Variants in ANGPT2 observed in about 807,000 individuals in gnomAD.
The protein encoded by ANGPT2 is angiopoietin 2.
ANGPT2 carries 28 observed loss-of-function variants against 62.9 expected under a neutral mutation model. The ratio of observed to expected loss-of-function variants is 0.44; its 90% confidence interval spans 0.33 to 0.61. The LOEUF is 0.61. ANGPT2 is among the 20% of genes least tolerant of loss of function. The pLI is 0.03. For missense variants in ANGPT2, 727 were observed against 594.9 expected (o/e 1.22, Z -2.31); for synonymous variants, 284 against 207.8 (o/e 1.37, Z -3.15).
chr8:6,533,400 C>G (rs953711431), intron 1 of ANGPT2, among the ~76,000 whole-genome samples: 3 of 152,172 alleles, frequency 2.0e-5, no homozygotes, highest in Non-Finnish European at 4.4e-5. Flanking sequence ...AGCCTGCCCT[C>G]TGCTTTATAG....
At chr8:6,562,474 G>C (rs1825680781) in intron 1 of ANGPT2, among the ~76,000 whole-genome samples, 173 bp downstream of exon 1, 1 of 146,150 alleles carries the variant, frequency 6.8e-6, no homozygotes, top group Admixed American at 6.9e-5. Context: ...CACACCCTGG[G>C]ATAGAATAAA....
chr8:6,539,027 G>A (rs1026016702), intron 1 of ANGPT2, among the ~76,000 whole-genome samples: 3 of 64,846 alleles, frequency 4.6e-5, no homozygotes, highest in African/African-American at 1.6e-4. Flanking sequence ...TTAGAGTTGG[G>A]CTTGTGTGTG....
At position 6,532,420 on chromosome 8, in the gene ANGPT2, T is replaced by C. The variant is rs764883178; in HGVS notation, c.356A>G (p.Asn119Ser). The C allele has an allele frequency of 1.9e-6, 3 of 1,614,142 alleles. No homozygotes were observed. Among genetic ancestry groups the C allele is most frequent in the Admixed American group, 1.7e-5 (1 of 60,014 alleles). Reference protein sequence around the residue: ...MVEIQQNAVQNQTAVMIEIGT... With the variant: ...MVEIQQNAVQSQTAVMIEIGT... ...TATTTCTATCATCACAGCCGTCTGG[T>C]TCTGTACTGCATTCTGCTGTATCTC... Residue 119 changes from asparagine to serine, a missense_variant, in exon 2 of 9, where the codon AAC becomes AGC. Asn to Ser is a conservative substitution (Grantham distance 46). Transcript: ENST00000629816.
Position 6,500,600 on chromosome 8 carries a change from C to G in ANGPT2, c.*2501G>C, listed in dbSNP as rs1426077698. ...AGTAGGCCATATGACTAAAACATAACAAGGAGTTGAACTGTGCTCCCTGAT... is the reference window on the plus strand; with the variant it reads ...AGTAGGCCATATGACTAAAACATAAGAAGGAGTTGAACTGTGCTCCCTGAT... On this transcript the variant is annotated 3_prime_UTR_variant, in exon 9 of 9. Transcript: ENST00000629816. 6.6e-6 allele frequency: 1 copy of G among 152,466 alleles called. No homozygotes were observed. The highest frequency in any genetic ancestry group is 1.9e-4 in the East Asian group (1 of 5,202). The allele number at this position is 152,466 out of a possible 1,614,324, so 9.4% of individuals were successfully genotyped here.
rs1447024351 is a variant in ANGPT2 at position 6,535,271 on chromosome 8, C to G, written c.289-2784G>C. On this transcript the variant is annotated intron_variant, in intron 1 of 8. Coordinates refer to ENST00000629816, the MANE Select transcript of ANGPT2 (RefSeq NM_001118887.2). ...GCTACTGAGTCAGATGTGTTTGCAA[C>G]TCTCCAGAGATATGAGAGGATTGTT... Among the ~76,000 whole-genome samples the G allele has an allele frequency of 2.6e-5, 4 of 152,270 alleles. No homozygotes were observed. The East Asian group carries it at 5.8e-4, about 22-fold the overall frequency.
chr8:6,544,221 G>T (rs1312854540), intron 1 of ANGPT2, among the ~76,000 whole-genome samples: 2 of 152,218 alleles, frequency 1.3e-5, no homozygotes, highest in African/African-American at 2.4e-5. Flanking sequence ...TGATAGTGAA[G>T]CTGGGACCTC....
intron 1 of ANGPT2, among the ~76,000 whole-genome samples, chr8:6,552,568 T>A (rs1212918469): frequency 1.3e-5 from 2 of 152,220 alleles, no homozygotes; most frequent in Non-Finnish European, 1.5e-5. Context: ...ATAGTATAGA[T>A]CTTGATAAGT....
Position 6,514,896 on chromosome 8 carries a change from T to C in ANGPT2, c.928-118A>G, listed in dbSNP as rs559491948. 1.9e-5 allele frequency: 15 copies of C among 771,192 alleles called. No homozygotes were observed. The East Asian group carries it at 3.5e-4, about 18-fold the overall frequency. 47.8% of individuals were successfully genotyped at this position (771,192 alleles called of 1,614,324 possible). On this transcript the variant is annotated intron_variant, in intron 5 of 8. Coordinates refer to ENST00000629816, the MANE Select transcript of ANGPT2 (RefSeq NM_001118887.2). ...ACTCAGCCGAGAGGGTTCTCTGGGA[T>C]ATAAGGCACGGAGTAGACCATCGGG...
intron 3 of ANGPT2, 21 bp downstream of exon 3, chr8:6,527,534 A>T: frequency 6.2e-7 from 1 of 1,609,826 alleles, no homozygotes; most frequent in Non-Finnish European, 8.5e-7. Flanking sequence ...TGAATTATAA[A>T]TGTTTTAGTA....
intron 7 of ANGPT2, among the ~76,000 whole-genome samples, chr8:6,509,367 G>T (rs926254513): frequency 3.9e-5 from 6 of 152,188 alleles, no homozygotes; most frequent in Non-Finnish European, 4.4e-5. Flanking sequence ...AGAAGAGAAA[G>T]AAATGCAGCA....
rs199802577 is a variant in ANGPT2, at chr8:6,503,072, G to A, written c.*29C>T. 62 of 1,613,274 alleles carry A rather than the reference G, an allele frequency of 3.8e-5. No individual in the cohort carries two copies. The highest frequency in any genetic ancestry group is 6.7e-5 in the East Asian group (3 of 44,892). Reference sequence around the variant, plus strand: ...GGGCTTAAGTCTTTGAAAATAGTTCGAGACAGTTCCTCAGGTGGACTGGGA... The same window carrying A: ...GGGCTTAAGTCTTTGAAAATAGTTCAAGACAGTTCCTCAGGTGGACTGGGA... On this transcript the variant is annotated 3_prime_UTR_variant, in exon 9 of 9. Coordinates refer to ENST00000629816, the MANE Select transcript of ANGPT2 (RefSeq NM_001118887.2).
Position 6,532,759 on chromosome 8 carries a change from C to G in ANGPT2, c.289-272G>C, listed in dbSNP as rs115833214. 2.8e-3 allele frequency among the ~76,000 whole-genome samples: 428 copies of G among 152,216 alleles called. 2 individuals carry two copies. The highest frequency in any genetic ancestry group is 9.8e-3 in the African/African-American group (409 of 41,542). On this transcript the variant is annotated intron_variant, in intron 1 of 8. Transcript: ENST00000629816. ...GTTGCTTCTGTGTTCTTCTAGAAGT[C>G]CATGTCATGGCAGGCCACAGAGGGT...
intron 8 of ANGPT2, among the ~76,000 whole-genome samples, chr8:6,505,900 T>TAC (rs552452628): frequency 1.2e-3 from 110 of 89,888 alleles, no homozygotes; most frequent in African/African-American, 3.2e-3. Flanking sequence ...TATAAAAACA[T>TAC]ACATATTCTT....
intron 2 of ANGPT2, among the ~76,000 whole-genome samples, chr8:6,532,108 A>G (rs1183109597): frequency 6.6e-6 from 1 of 152,198 alleles, no homozygotes; most frequent in East Asian, 1.9e-4. Flanking sequence ...TCTTCAGTAG[A>G]TAGAACACAT....
intron 3 of ANGPT2, among the ~76,000 whole-genome samples, chr8:6,522,755 C>A (rs112784249): frequency 0.072 from 10,706 of 149,542 alleles, 489 homozygotes; most frequent in African/African-American, 0.11. Context: ...GCCTGGGCAA[C>A]AGAGCGAGAC....
chr8:6,540,139 G>A (rs940069574), intron 1 of ANGPT2, among the ~76,000 whole-genome samples: 2 of 152,066 alleles, frequency 1.3e-5, no homozygotes, highest in African/African-American at 4.8e-5. Context: ...AATCCTATCC[G>A]CTTTGCTCTT....
In ANGPT2 at chr8:6,500,864, A is replaced by AT. The variant is rs1187572419; in HGVS notation, c.*2236dup. ...ATGACATAATGAGATTTGTCCTTGA[A>AT]TTTTTTATCACCTGCCTACAAAGAG... On this transcript the variant is annotated 3_prime_UTR_variant, in exon 9 of 9. Coordinates refer to ENST00000629816, the MANE Select transcript of ANGPT2 (RefSeq NM_001118887.2). 1.3e-5 allele frequency: 2 copies of AT among 152,184 alleles called. No homozygotes were observed. The highest frequency in any genetic ancestry group is 2.9e-5 in the Non-Finnish European group (2 of 68,014). The allele number at this position is 152,184 out of a possible 1,614,324, so 9.4% of individuals were successfully genotyped here. A position where few individuals can be genotyped will look rare whatever the true frequency, so the allele number is the denominator to read the frequency against.
chr8:6,528,099 G>T (rs1016598652), intron 2 of ANGPT2, among the ~76,000 whole-genome samples: 7 of 152,082 alleles, frequency 4.6e-5, no homozygotes, highest in African/African-American at 1.4e-4. Flanking sequence ...GTTTCACCAT[G>T]TTGGCCAGGC....
At chr8:6,511,986 C>G (rs988012203) in intron 7 of ANGPT2, among the ~76,000 whole-genome samples, 11 of 151,272 alleles carry the variant, frequency 7.3e-5, no homozygotes, top group Non-Finnish European at 1.6e-4. Context: ...AAACACTGAC[C>G]AACCACTTGT....
Sources: allele counts gnomAD v4.1 joint callset (sites outside exome capture counted in the v4.1 genomes callset), GRCh38; gene constraint gnomAD v4.1.1; transcripts MANE v1.5; gene names NCBI Gene and HGNC (gene_info 2026-07-23, HGNC 2026-07-21).